Variants in DBF4B observed in about 807,000 individuals in gnomAD.
DBF4B encodes DBF4B-CDC7 kinase regulatory subunit.
Under a neutral mutation model 53.4 loss-of-function variants are expected in DBF4B, and 49 were observed. That is an observed-to-expected ratio of 0.92 (90% CI 0.73 to 1.16). The LOEUF (loss-of-function observed/expected upper bound fraction) is 1.16, where lower values mean the gene tolerates loss of function less well. Ranked by LOEUF, DBF4B falls within the 50% of genes most tolerant of loss-of-function variation. The pLI is 0.00. For missense variants in DBF4B, 692 were observed against 775.0 expected, an observed-to-expected ratio of 0.89 and a Z score of 1.27; for synonymous variants, 257 against 288.7, an observed-to-expected ratio of 0.89 and a Z score of 1.11.
chr17:44,716,077 G>A (rs1166709902), intron 2 of DBF4B, among the ~76,000 whole-genome samples: 1 of 151,824 alleles, frequency 6.6e-6, no homozygotes, highest in Admixed American at 6.6e-5. Context: ...ACCCGCCTCG[G>A]CCTCCCAAAG....
chr17:44,736,605 A>G (rs1288642461), intron 7 of DBF4B, among the ~76,000 whole-genome samples: 3 of 152,124 alleles, frequency 2.0e-5, no homozygotes, highest in Non-Finnish European at 4.4e-5. Flanking sequence ...GTCAGCTGCC[A>G]TTAAGATTCA....
Position 44,749,485 on chromosome 17 carries a change from C to T in DBF4B, c.1189+1020C>T, listed in dbSNP as rs2049220851. 7.8e-7 allele frequency: 1 copy of T among 1,282,966 alleles called. No individual in the cohort carries two copies. The highest frequency in any genetic ancestry group is 1.0e-6 in the Non-Finnish European group (1 of 984,730). The allele number at this position is 1,282,966 out of a possible 1,614,324, so 79.5% of individuals were successfully genotyped here. On this transcript the variant is annotated intron_variant, in intron 13 of 13. Transcript: ENST00000315005. This position sits in a 1 kb window ranked among gnomAD's most constrained non-coding sequence, Gnocchi z 4.4. Reference sequence around the variant, plus strand: ...GAGCTAGAAGGAGGCCCGGGCCTGGCCTTTGAAGTCCAGCAAGCAGCTGTC... The same window carrying T: ...GAGCTAGAAGGAGGCCCGGGCCTGGTCTTTGAAGTCCAGCAAGCAGCTGTC...
At chr17:44,708,920 C>G in intron 1 of DBF4B, 81 bp downstream of exon 1, 1 of 1,524,434 alleles carries the variant, frequency 6.6e-7, no homozygotes, top group Non-Finnish European at 8.8e-7. Flanking sequence ...GTGGAGGGGG[C>G]TTAGGAAGTG....
rs2049116635 is a variant in DBF4B at position 44,747,074 on chromosome 17, C to T, written c.831-9C>T. The T allele has an allele frequency of 6.2e-7, 1 of 1,613,504 alleles. No individual in the cohort carries two copies. Among genetic ancestry groups the T allele is most frequent in the Non-Finnish European group, 8.5e-7 (1 of 1,179,644 alleles). On this transcript the variant is annotated splice_polypyrimidine_tract_variant and intron_variant, in intron 10 of 13. Coordinates refer to ENST00000315005, the MANE Select transcript of DBF4B (RefSeq NM_145663.3). ...GTAACCACTTTGCCGCACTATGTAC[C>T]CTCCCCAGAGAATCCAAGGATGGAG... is the stretch of plus-strand genomic sequence containing the variant.
chr17:44,720,200 G>T, intron 2 of DBF4B: 1 of 364,136 alleles, frequency 2.7e-6, no homozygotes, highest in South Asian at 2.6e-5. Context: ...CTCACATGCT[G>T]ACTGAAGGGT....
chr17:44,727,864 A>ATTTTTTTTTTTTTTTTTTTTTTTTTTTT (rs756222247), intron 3 of DBF4B, among the ~76,000 whole-genome samples: 1 of 106,742 alleles, frequency 9.4e-6, no homozygotes, highest in Non-Finnish European at 1.9e-5. Context: ...TGCCCGGGTA[A>ATTTTTTTTTTTTTTTTTTTTTTTTTTTT]TTTTTTTTTT....
intron 10 of DBF4B, among the ~76,000 whole-genome samples, chr17:44,744,006 A>G (rs974851101): frequency 2.1e-5 from 3 of 144,680 alleles, no homozygotes; most frequent in African/African-American, 7.9e-5. Context: ...TAATCCCAGC[A>G]CTTTGGGAGG....
intron 10 of DBF4B, among the ~76,000 whole-genome samples, chr17:44,744,247 A>G (rs1976389310): frequency 6.6e-6 from 1 of 152,082 alleles, no homozygotes; most frequent in Non-Finnish European, 1.5e-5. Context: ...CCCCACCTCT[A>G]TTAAAAATAC....
intron 3 of DBF4B, among the ~76,000 whole-genome samples, chr17:44,727,313 G>A (rs1038654674): frequency 3.3e-5 from 5 of 151,802 alleles, no homozygotes; most frequent in African/African-American, 1.2e-4. Context: ...CAGCTACTCG[G>A]GAGGCTGAGG....
chr17:44,708,913 G>A, intron 1 of DBF4B, 74 bp downstream of exon 1: 1 of 1,538,906 alleles, frequency 6.5e-7, no homozygotes, highest in Non-Finnish European at 8.8e-7. Flanking sequence ...CGGAGTCGTG[G>A]AGGGGGCTTA....
rs68091397 is a variant in DBF4B, at chr17:44,725,684, C to CTTTTTTTTTTTTTTTTTTTT, written c.225+2663_225+2682dup. ...ATCCTGCCTTTGTTTTTTTGTGCTT[C>CTTTTTTTTTTTTTTTTTTTT]TTTTTTTTTTTTTTTTTTTTAAGAG... On this transcript the variant is annotated intron_variant, in intron 3 of 13. Coordinates refer to ENST00000315005, the MANE Select transcript of DBF4B (RefSeq NM_145663.3). Among the ~76,000 whole-genome samples, 34 of 87,642 alleles carry CTTTTTTTTTTTTTTTTTTTT rather than the reference C, an allele frequency of 3.9e-4. 5 individuals carry two copies. The highest frequency in any genetic ancestry group is 9.1e-4 in the African/African-American group (19 of 20,856). 57.5% of individuals were successfully genotyped at this position (87,642 alleles called of 152,430 possible).
intron 7 of DBF4B, among the ~76,000 whole-genome samples, chr17:44,735,114 A>G (rs1358134424): frequency 6.6e-6 from 1 of 152,162 alleles, no homozygotes; most frequent in African/African-American, 2.4e-5. Context: ...ACATAAAAAA[A>G]TAGTGGATGG....
At chr17:44,716,282 T>C (rs1028198250) in intron 2 of DBF4B, among the ~76,000 whole-genome samples, 1 of 152,010 alleles carries the variant, frequency 6.6e-6, no homozygotes, top group Non-Finnish European at 1.5e-5. Flanking sequence ...TTGTCACTAG[T>C]TTGTATGTTT....
chr17:44,727,300 T>C (rs1974446322), intron 3 of DBF4B, among the ~76,000 whole-genome samples: 1 of 151,382 alleles, frequency 6.6e-6, no homozygotes, highest in African/African-American at 2.4e-5. Context: ...GCACTTGTAG[T>C]CCCAGCTACT....
intron 2 of DBF4B, among the ~76,000 whole-genome samples, chr17:44,712,381 T>C (rs1972965615): frequency 7.5e-6 from 1 of 134,194 alleles, no homozygotes; most frequent in South Asian, 2.6e-4. Context: ...CTCGGCTCAC[T>C]GCAACCTCTG....
chr17:44,751,944 G>A lies in DBF4B; in HGVS notation c.*691G>A. On this transcript the variant is annotated 3_prime_UTR_variant, in exon 14 of 14. Coordinates refer to ENST00000315005, the MANE Select transcript of DBF4B (RefSeq NM_145663.3). ...TTCCCTCGTTCGTTCATTCAGCACA[G>A]GCCTTGCCGTCTGCCCTGAGTCAGC... 6.5e-7 allele frequency: 1 copy of A among 1,535,748 alleles called. No individual in the cohort carries two copies. The highest frequency in any genetic ancestry group is 8.7e-7 in the Non-Finnish European group (1 of 1,146,788).
chr17:44,725,937 C>T (rs1974288775), intron 3 of DBF4B, among the ~76,000 whole-genome samples: 1 of 152,020 alleles, frequency 6.6e-6, no homozygotes, highest in Non-Finnish European at 1.5e-5. Flanking sequence ...ATCCTCCCAC[C>T]TCAGCCTCCC....
At chr17:44,723,139 C>T (rs1568169479) in intron 3 of DBF4B, 117 bp downstream of exon 3, 1 of 1,376,464 alleles carries the variant, frequency 7.3e-7, no homozygotes. Flanking sequence ...CAGAGTCTTG[C>T]TCTATAACCC....
rs1467841134 is a variant in DBF4B, at chr17:44,738,438, C to T, written c.713+14C>T. 16 of 1,612,982 alleles carry T rather than the reference C, an allele frequency of 9.9e-6. No homozygotes were observed. Among genetic ancestry groups the T allele is most frequent in the Non-Finnish European group, 1.3e-5 (15 of 1,179,322 alleles). ...AGATGAAAGCAGGTGAGTGGGACCTCCTTTCTCTGCTTGCCCCAGCTAGGC... is the reference window on the plus strand; with the variant it reads ...AGATGAAAGCAGGTGAGTGGGACCTTCTTTCTCTGCTTGCCCCAGCTAGGC... On this transcript the variant is annotated intron_variant, in intron 9 of 13. Transcript: ENST00000315005.
Sources: allele counts gnomAD v4.1 joint callset (sites outside exome capture counted in the v4.1 genomes callset), GRCh38; gene constraint gnomAD v4.1.1; non-coding constraint Gnocchi (gnomAD v3.1); transcripts MANE v1.5; gene names NCBI Gene and HGNC (gene_info 2026-07-23, HGNC 2026-07-21).